NELL1: variants seen among roughly 807,000 people sequenced by gnomAD.
The protein encoded by NELL1 is protein kinase C-binding protein NELL1.
A neutral mutation model predicts 107.4 loss-of-function variants in NELL1; 76 were observed. The observed-to-expected ratio is 0.71, with a 90% CI of 0.59 to 0.86. The LOEUF is 0.86. Ranked by LOEUF, NELL1 falls within the 40% of genes least tolerant of loss-of-function variation. The probability of loss-of-function intolerance (pLI) is 0.00; values close to 1 mark genes in which losing one functional copy is unlikely to be tolerated. For missense variants in NELL1, 1,024 were observed against 1,005.5 expected (o/e 1.02, Z -0.25); for synonymous variants, 353 against 341.2 (o/e 1.03, Z -0.38).
chr11:20,744,249 AT>A (rs1855953621), intron 2 of NELL1, among the ~76,000 whole-genome samples: 2 of 152,270 alleles, frequency 1.3e-5, no homozygotes, highest in African/African-American at 4.8e-5. Context: ...ACTTACCACT[AT>A]GATTAAAATG....
At chr11:21,498,043 G>C (rs1855030202) in intron 15 of NELL1, among the ~76,000 whole-genome samples, 1 of 151,582 alleles carries the variant, frequency 6.6e-6, no homozygotes, top group African/African-American at 2.4e-5. Flanking sequence ...ACAGTTCAAT[G>C]AAATAATACA....
At chr11:21,238,377 G>A (rs1168099822) in intron 14 of NELL1, among the ~76,000 whole-genome samples, 1 of 151,984 alleles carries the variant, frequency 6.6e-6, no homozygotes, top group African/African-American at 2.4e-5. Flanking sequence ...GGATTTGATG[G>A]TGCAAAGATG....
intron 15 of NELL1, among the ~76,000 whole-genome samples, chr11:21,508,150 A>G (rs2133941137): frequency 6.6e-6 from 1 of 152,302 alleles, no homozygotes; most frequent in East Asian, 1.9e-4. Flanking sequence ...AATAGGAGAA[A>G]GAGACAAGGC....
At chr11:21,360,622 A>G (rs1235775821) in intron 14 of NELL1, among the ~76,000 whole-genome samples, 2 of 152,082 alleles carry the variant, frequency 1.3e-5, no homozygotes, top group African/African-American at 4.8e-5. Context: ...GTTGCCATCT[A>G]CCTTATTTCT....
chr11:21,498,192 C>A (rs1564925762), intron 15 of NELL1, among the ~76,000 whole-genome samples: 1 of 151,448 alleles, frequency 6.6e-6, no homozygotes, highest in South Asian at 2.1e-4. Context: ...TGAATAAAAT[C>A]TAAATTCTTT....
At chr11:20,897,336 G>A (rs1184959791) in intron 5 of NELL1, among the ~76,000 whole-genome samples, 9 of 152,168 alleles carry the variant, frequency 5.9e-5, no homozygotes, top group Admixed American at 5.9e-4. Context: ...TTAATAAATG[G>A]TGCTGGGAAA....
At chr11:21,044,362 G>A (rs1853306508) in intron 12 of NELL1, among the ~76,000 whole-genome samples, 1 of 152,152 alleles carries the variant, frequency 6.6e-6, no homozygotes, top group South Asian at 2.1e-4. Context: ...GGTGAGGGCA[G>A]AAAGCTGCCA....
chr11:21,195,389 C>T (rs2133840913), intron 13 of NELL1, among the ~76,000 whole-genome samples: 1 of 152,182 alleles, frequency 6.6e-6, no homozygotes, highest in Non-Finnish European at 1.5e-5. Context: ...AAAATCGGAT[C>T]TGACTTTCAA....
intron 3 of NELL1, among the ~76,000 whole-genome samples, chr11:20,841,495 A>G (rs1002190062): frequency 6.6e-6 from 1 of 152,182 alleles, no homozygotes; most frequent in Non-Finnish European, 1.5e-5. Flanking sequence ...ATAAGGAGTC[A>G]GGAGCCTGAA....
chr11:21,437,287 C>T (rs184051720), intron 15 of NELL1, among the ~76,000 whole-genome samples: 216 of 152,278 alleles, frequency 1.4e-3, no homozygotes, highest in South Asian at 2.3e-3. Flanking sequence ...TATTTATCTG[C>T]ATACTCCATT....
chr11:21,178,636 T>C (rs535155305), intron 13 of NELL1, among the ~76,000 whole-genome samples: 2 of 151,332 alleles, frequency 1.3e-5, no homozygotes, highest in East Asian at 3.9e-4. Flanking sequence ...GTATGACTTC[T>C]GCCTGGAGCC....
chr11:21,190,307 G>A (rs1485445205), intron 13 of NELL1, among the ~76,000 whole-genome samples: 25 of 151,712 alleles, frequency 1.6e-4, no homozygotes, highest in Admixed American at 1.6e-3. Context: ...AGCAGAGATC[G>A]CACCACTGCA....
intron 12 of NELL1, among the ~76,000 whole-genome samples, chr11:21,066,428 A>G (rs1853871849): frequency 6.6e-6 from 1 of 152,202 alleles, no homozygotes; most frequent in African/African-American, 2.4e-5. Flanking sequence ...ATACAACATA[A>G]AAAAGTACAA....
At chr11:21,012,017 C>A (rs1852457902) in intron 12 of NELL1, among the ~76,000 whole-genome samples, 2 of 152,104 alleles carry the variant, frequency 1.3e-5, no homozygotes, top group Non-Finnish European at 2.9e-5. Flanking sequence ...GCGCTAAGAG[C>A]TTCTGGGCAC....
intron 1 of NELL1, among the ~76,000 whole-genome samples, chr11:20,675,272 C>A (rs899072110): frequency 6.6e-6 from 1 of 152,172 alleles, no homozygotes; most frequent in African/African-American, 2.4e-5. Context: ...GTGGAAGGAA[C>A]TGCAAAGCCA....
At chr11:21,185,391 T>C (rs1027273551) in intron 13 of NELL1, among the ~76,000 whole-genome samples, 1 of 148,520 alleles carries the variant, frequency 6.7e-6, no homozygotes, top group Non-Finnish European at 1.5e-5. Context: ...GCCTCCCAGG[T>C]TGAAGCGATT....
chr11:20,995,265 AAGAGTT>A (rs543766906), intron 12 of NELL1, among the ~76,000 whole-genome samples: 407 of 152,260 alleles, frequency 2.7e-3, no homozygotes, highest in African/African-American at 9.4e-3. Flanking sequence ...GTAAATAACT[AAGAGTT>A]AGAAGAAGCA....
At chr11:20,860,137 C>G (rs1435836978) in intron 4 of NELL1, among the ~76,000 whole-genome samples, 4 of 152,284 alleles carry the variant, frequency 2.6e-5, no homozygotes, top group African/African-American at 9.6e-5. Context: ...AATGCTGTTT[C>G]TAGGATGTCA....
chr11:20,729,136 A>ATT (rs34134959), intron 2 of NELL1, among the ~76,000 whole-genome samples: 1 of 148,216 alleles, frequency 6.7e-6, no homozygotes, highest in African/African-American at 2.5e-5. Flanking sequence ...AATGCTACTG[A>ATT]TTTTTTTTTA....
Sources: allele counts gnomAD v4.1 joint callset (sites outside exome capture counted in the v4.1 genomes callset), GRCh38; gene constraint gnomAD v4.1.1; transcripts MANE v1.5; gene names NCBI Gene and HGNC (gene_info 2026-07-23, HGNC 2026-07-21).